OXSM: variants seen among roughly 807,000 people sequenced by gnomAD.
The protein encoded by OXSM is 3-oxoacyl-[acyl-carrier-protein] synthase, mitochondrial.
OXSM carries 19 observed loss-of-function variants against 29.2 expected under a neutral mutation model. The observed-to-expected ratio is 0.65, with a 90% CI of 0.45 to 0.96. OXSM has a LOEUF of 0.96. OXSM is among the 40% of genes least tolerant of loss of function. The pLI is 0.00. For synonymous variants in OXSM, 178 were observed against 197.1 expected, an observed-to-expected ratio of 0.90 and a Z score of 0.81; for missense variants, 554 against 551.3, an observed-to-expected ratio of 1.00 and a Z score of -0.05.
Position 25,794,177 on chromosome 3 carries a change from G to C in OXSM, c.1063G>C (p.Gly355Arg). 1.2e-6 allele frequency: 2 copies of C among 1,614,182 alleles called. No homozygotes were observed. Among genetic ancestry groups the C allele is most frequent in the Non-Finnish European group, 1.7e-6 (2 of 1,180,008 alleles). The change falls in exon 3 of 3, where the codon GGA becomes CGA. Residue 355 changes from glycine to arginine, a missense_variant. Coordinates refer to ENST00000280701, the MANE Select transcript of OXSM (RefSeq NM_017897.3). ...INAHATSTPLGDAAENKAIKH... is the reference protein window; with the variant it reads ...INAHATSTPLRDAAENKAIKH... ...TGCACATGCTACTTCCACACCATTGGGAGATGCTGCTGAAAACAAAGCTAT... is the reference window on the plus strand; with the variant it reads ...TGCACATGCTACTTCCACACCATTGCGAGATGCTGCTGAAAACAAAGCTAT...
chr3:25,794,026 A>ACAGAC, intron 2 of OXSM, 66 bp from the exon 3 acceptor site: 1 of 1,402,862 alleles, frequency 7.1e-7, no homozygotes, highest in Non-Finnish European at 9.7e-7. Context: ...CATAAGCCAT[A>ACAGAC]CAGATAAAGA....
chr3:25,792,875 G>C (rs11917667), intron 2 of OXSM, among the ~76,000 whole-genome samples: 1,726 of 152,284 alleles, frequency 0.011, 34 homozygotes, highest in African/African-American at 0.04. Flanking sequence ...GTTTTACTCA[G>C]TTAAATTAGC....
Position 25,791,092 on chromosome 3 carries a change from G to T in OXSM, c.72G>T (p.Gln24His). 2 of 1,614,154 alleles carry T rather than the reference G, an allele frequency of 1.2e-6. No individual in the cohort carries two copies. Among genetic ancestry groups the T allele is most frequent in the East Asian group, 4.5e-5 (2 of 44,890 alleles). ...TRLLCSRLCQQLRSKRKFFGT... is the reference protein window; with the variant it reads ...TRLLCSRLCQHLRSKRKFFGT... ...TTCTATGTTCAAGATTATGCCAACAGTTAAGAAGTAAAAGGAAGTTTTTCG... is the reference window on the plus strand; with the variant it reads ...TTCTATGTTCAAGATTATGCCAACATTTAAGAAGTAAAAGGAAGTTTTTCG... Residue 24 changes from glutamine to histidine, a missense_variant, in exon 2 of 3, where the codon CAG (glutamine) becomes CAT (histidine). Gln to His is a conservative substitution (Grantham distance 24). Coordinates refer to ENST00000280701, the MANE Select transcript of OXSM (RefSeq NM_017897.3).
Position 25,791,828 on chromosome 3 carries a change from AAG to A in OXSM, c.814_815del (p.Asp272TrpfsTer17), listed in dbSNP as rs1202993207. On this transcript the variant is annotated frameshift_variant, in exon 2 of 3. Coordinates refer to ENST00000280701, the MANE Select transcript of OXSM (RefSeq NM_017897.3). LOFTEE classifies it high-confidence loss of function. Reference sequence around the variant, plus strand: ...GTTGGCATGTCGACCATTTCATCCAAAGAGAGATGGTTTTGTAATGGGAGAAG... The same window carrying A: ...GTTGGCATGTCGACCATTTCATCCAAAGAGATGGTTTTGTAATGGGAGAAG... ...PKLACRPFHP[K>X]RDGFVMGEGA... 2.5e-6 allele frequency: 4 copies of A among 1,614,100 alleles called. No individual in the cohort carries two copies. The highest frequency in any genetic ancestry group is 3.4e-6 in the Non-Finnish European group (4 of 1,180,010).
At chr3:25,792,088 G>T (rs959464350) in intron 2 of OXSM, 91 bp downstream of exon 2, 30 of 1,067,524 alleles carry the variant, frequency 2.8e-5, no homozygotes, top group Non-Finnish European at 3.5e-5. Context: ...GTCTGGCCTT[G>T]GTGTACAGTA....
In OXSM at chr3:25,794,096, A is replaced by G. The variant is rs757647641; in HGVS notation, c.982A>G (p.Met328Val). ...DPEGEGALRC[M>V]AAALKDAGVQ... The stretch of plus-strand genomic sequence containing the variant: ...TGTCTTTTCTTGTTTTATTAGGTGT[A>G]TGGCTGCTGCTTTAAAAGATGCAGG... The change falls in exon 3 of 3, where the codon ATG (methionine) becomes GTG (valine). Residue 328 changes from methionine (M) to valine (V), a missense_variant. Coordinates refer to ENST00000280701, the MANE Select transcript of OXSM (RefSeq NM_017897.3). 5 of 1,610,088 alleles carry G rather than the reference A, an allele frequency of 3.1e-6. No individual in the cohort carries two copies. Among genetic ancestry groups the G allele is most frequent in the East Asian group, 2.2e-5 (1 of 44,866 alleles).
At chr3:25,792,178 T>G (rs944494316) in intron 2 of OXSM, among the ~76,000 whole-genome samples, 181 bp downstream of exon 2, 4 of 152,206 alleles carry the variant, frequency 2.6e-5, no homozygotes, top group Non-Finnish European at 4.4e-5. Context: ...TCAAAGCATT[T>G]GAACATACTT....
Position 25,790,163 on chromosome 3 carries a change from C to G in OXSM, c.-32+16C>G, listed in dbSNP as rs1204114444. 8.0e-6 allele frequency: 4 copies of G among 497,864 alleles called. No homozygotes were observed. Among genetic ancestry groups the G allele is most frequent in the Non-Finnish European group, 1.4e-5 (4 of 279,514 alleles). The allele number at this position is 497,864 out of a possible 1,614,324, so 30.8% of individuals were successfully genotyped here. A position where few individuals can be genotyped will look rare whatever the true frequency, so the allele number is the denominator to read the frequency against. On this transcript the variant is annotated intron_variant, in intron 1 of 2. Coordinates refer to ENST00000280701, the MANE Select transcript of OXSM (RefSeq NM_017897.3). The stretch of plus-strand genomic sequence containing the variant: ...CCCGTTACAGGTATCGCTGGCTACC[C>G]TCCTCCTTCGCCCCTCCTTTCCTCC...
intron 1 of OXSM, chr3:25,790,767 C>G: frequency 2.5e-6 from 1 of 396,504 alleles, no homozygotes; most frequent in Non-Finnish European, 4.5e-6. Flanking sequence ...ATCATCAATT[C>G]ATTTATTTGT....
At position 25,790,136 on chromosome 3, in the gene OXSM, G is replaced by C; in HGVS notation, c.-43G>C. 2.0e-6 allele frequency: 1 copy of C among 512,128 alleles called. No homozygotes were observed. Among genetic ancestry groups the C allele is most frequent in the Non-Finnish European group, 3.5e-6 (1 of 288,006 alleles). 31.7% of individuals were successfully genotyped at this position (512,128 alleles called of 1,614,324 possible). On this transcript the variant is annotated 5_prime_UTR_variant, in exon 1 of 3. Coordinates refer to ENST00000280701, the MANE Select transcript of OXSM (RefSeq NM_017897.3). Reference sequence around the variant, plus strand: ...CGACTGTGGAGAAGTGTCCGGGGTAGCCCCGTTACAGGTATCGCTGGCTAC... The same window carrying C: ...CGACTGTGGAGAAGTGTCCGGGGTACCCCCGTTACAGGTATCGCTGGCTAC...
Position 25,794,143 on chromosome 3 carries a change from C to T in OXSM, c.1029C>T (p.Ser343=), listed in dbSNP as rs532204485. 1.9e-6 allele frequency: 3 copies of T among 1,614,070 alleles called. No homozygotes were observed. The highest frequency in any genetic ancestry group is 2.2e-5 in the East Asian group (1 of 44,886). Residue 343 remains serine (S), a synonymous_variant, in exon 3 of 3, where the codon TCC becomes TCT. Coordinates refer to ENST00000280701, the MANE Select transcript of OXSM (RefSeq NM_017897.3). Reference sequence around the variant, plus strand: ...CAGGTGTGCAGCCTGAGGAGATATCCTATATCAATGCACATGCTACTTCCA... The same window carrying T: ...CAGGTGTGCAGCCTGAGGAGATATCTTATATCAATGCACATGCTACTTCCA... The part of the protein sequence containing the change: ...KDAGVQPEEI[S]YINAHATSTP...
At position 25,791,154 on chromosome 3, in the gene OXSM, T is replaced by A; in HGVS notation, c.134T>A (p.Val45Asp). 1.2e-6 allele frequency: 2 copies of A among 1,614,238 alleles called. No homozygotes were observed. Among genetic ancestry groups the A allele is most frequent in the Non-Finnish European group, 1.7e-6 (2 of 1,180,038 alleles). ...ATATCCAGATTGCATAGGCGAGTTGTCATTACAGGCATTGGCTTAGTGACT... is the reference window on the plus strand; with the variant it reads ...ATATCCAGATTGCATAGGCGAGTTGACATTACAGGCATTGGCTTAGTGACT... ...VPISRLHRRV[V>D]ITGIGLVTPL... is the part of the protein sequence containing the mutation. Residue 45 changes from valine (V) to aspartate (D), a missense_variant, in exon 2 of 3, where the codon GTC becomes GAC. Val to Asp is a radical substitution (Grantham distance 152). Coordinates refer to ENST00000280701, the MANE Select transcript of OXSM (RefSeq NM_017897.3).
intron 2 of OXSM, 75 bp from the exon 3 acceptor site, chr3:25,794,017 A>G (rs1708821324): frequency 7.6e-7 from 1 of 1,315,528 alleles, no homozygotes; most frequent in African/African-American, 1.5e-5. Flanking sequence ...TTTGTTTCAC[A>G]TAAGCCATAC....
chr3:25,791,869 G>A lies in OXSM; in HGVS notation c.849G>A (p.Leu283=), dbSNP rs1431624090. Reference sequence around the variant, plus strand: ...TAATGGGAGAAGGTGCAGCTGTGCTGGTGCTGGAAGAATATGAACATGCTG... The same window carrying A: ...TAATGGGAGAAGGTGCAGCTGTGCTAGTGCTGGAAGAATATGAACATGCTG... The part of the protein sequence containing the change: ...GFVMGEGAAV[L]VLEEYEHAVQ... Residue 283 remains leucine (L), a synonymous_variant, in exon 2 of 3, where the codon CTG becomes CTA. Transcript: ENST00000280701. 1.2e-6 allele frequency: 2 copies of A among 1,612,734 alleles called. No homozygotes were observed. Among genetic ancestry groups the A allele is most frequent in the South Asian group, 2.2e-5 (2 of 91,082 alleles).
rs542423496 is a variant in OXSM at position 25,793,153 on chromosome 3, CT to C, written c.978-925del. On this transcript the variant is annotated intron_variant, in intron 2 of 2. Coordinates refer to ENST00000280701, the MANE Select transcript of OXSM (RefSeq NM_017897.3). ...GTTTGTTTGTTTTTCTTTTTTCTTTCTTTTTTTTTTTTTTAGTAGAGTTGGG... is the reference window on the plus strand; with the variant it reads ...GTTTGTTTGTTTTTCTTTTTTCTTTCTTTTTTTTTTTTTAGTAGAGTTGGG... Among the ~76,000 whole-genome samples the C allele has an allele frequency of 2.8e-3, 391 of 141,464 alleles. 1 individual carries two copies. Among genetic ancestry groups the C allele is most frequent in the Middle Eastern group, 3.7e-3 (1 of 272 alleles). The allele number at this position is 141,464 out of a possible 152,430, so 92.8% of individuals were successfully genotyped here.
rs777929634 is a variant in OXSM at position 25,791,239 on chromosome 3, T to G, written c.219T>G (p.Ile73Met). 6.2e-7 allele frequency: 1 copy of G among 1,614,226 alleles called. No homozygotes were observed. Among genetic ancestry groups the G allele is most frequent in the South Asian group, 1.1e-5 (1 of 91,086 alleles). Residue 73 changes from isoleucine (I) to methionine (M), a missense_variant, in exon 2 of 3, where the codon ATT becomes ATG. By Grantham distance (10) the Ile-to-Met change is conservative. Transcript: ENST00000280701. ...WDRLIGGESG[I>M]VSLVGEEYKS... Reference sequence around the variant, plus strand: ...GTCTTATCGGAGGAGAGAGTGGAATTGTTTCACTGGTTGGTGAAGAGTATA... The same window carrying G: ...GTCTTATCGGAGGAGAGAGTGGAATGGTTTCACTGGTTGGTGAAGAGTATA...
At position 25,790,978 on chromosome 3, in the gene OXSM, G is replaced by A; in HGVS notation, c.-31-12G>A. 6.4e-7 allele frequency: 1 copy of A among 1,573,574 alleles called. No homozygotes were observed. The highest frequency in any genetic ancestry group is 8.6e-7 in the Non-Finnish European group (1 of 1,156,930). ...AAAGAATACCTCCTAGGTGTGTTGTGGTCTTTTACAGGAATGTGTTTCTGA... is the reference window on the plus strand; with the variant it reads ...AAAGAATACCTCCTAGGTGTGTTGTAGTCTTTTACAGGAATGTGTTTCTGA... On this transcript the variant is annotated splice_polypyrimidine_tract_variant and intron_variant, in intron 1 of 2. Coordinates refer to ENST00000280701, the MANE Select transcript of OXSM (RefSeq NM_017897.3).
chr3:25,792,079 T>A, intron 2 of OXSM, 82 bp downstream of exon 2: 1 of 1,245,694 alleles, frequency 8.0e-7, no homozygotes, highest in Non-Finnish European at 1.1e-6. Flanking sequence ...AGTTGTAGTG[T>A]CTGGCCTTGG....
At position 25,790,114 on chromosome 3, in the gene OXSM, C is replaced by T; in HGVS notation, c.-65C>T. The T allele has an allele frequency of 1.7e-6, 1 of 584,638 alleles. No homozygotes were observed. The allele number at this position is 584,638 out of a possible 1,614,324, so 36.2% of individuals were successfully genotyped here. A position where few individuals can be genotyped will look rare whatever the true frequency, so the allele number is the denominator to read the frequency against. On this transcript the variant is annotated 5_prime_UTR_variant, in exon 1 of 3. Transcript: ENST00000280701. ...CGCTCGAGAGCGTCATCGCCCCCGA[C>T]TGTGGAGAAGTGTCCGGGGTAGCCC...
Sources: gnomAD v4.1 joint callset for allele counts (sites outside exome capture counted in the v4.1 genomes callset) on GRCh38, gnomAD v4.1.1 for gene constraint, MANE v1.5 for transcripts, NCBI Gene and HGNC (gene_info 2026-07-23, HGNC 2026-07-21) for gene names.